CFAP70: variants seen among roughly 807,000 people sequenced by gnomAD.
CFAP70 encodes the protein cilia- and flagella-associated protein 70.
CFAP70 carries 81 observed loss-of-function variants against 137.6 expected under a neutral mutation model. That is an observed-to-expected ratio of 0.59 (90% CI 0.49 to 0.71). The LOEUF is 0.71. Ranked by LOEUF, CFAP70 falls within the 30% of genes least tolerant of loss-of-function variation. The probability of loss-of-function intolerance (pLI) is 0.00; values close to 1 mark genes in which losing one functional copy is unlikely to be tolerated. For missense variants in CFAP70, 976 were observed against 1,226.7 expected (o/e 0.80, Z 3.05); for synonymous variants, 382 against 423.6 (o/e 0.90, Z 1.20).
intron 19 of CFAP70, among the ~76,000 whole-genome samples, chr10:73,288,297 A>T (rs2047901169): frequency 1.3e-5 from 2 of 152,210 alleles, no homozygotes; most frequent in African/African-American, 4.8e-5. Context: ...TGAATAAATT[A>T]GGCAATTTTT....
chr10:73,258,153 A>G (rs1263608989), intron 25 of CFAP70, among the ~76,000 whole-genome samples: 2 of 152,256 alleles, frequency 1.3e-5, no homozygotes, highest in South Asian at 2.1e-4. Context: ...GGTTATGCCA[A>G]TTTACATCCA....
intron 5 of CFAP70, among the ~76,000 whole-genome samples, chr10:73,343,157 C>T (rs1319776388): frequency 6.6e-6 from 1 of 150,630 alleles, no homozygotes; most frequent in African/African-American, 2.5e-5. Flanking sequence ...GTGCAGTGTG[C>T]CGAGATCGCA....
intron 12 of CFAP70, among the ~76,000 whole-genome samples, chr10:73,304,421 G>A (rs954288094): frequency 2.0e-5 from 3 of 152,054 alleles, no homozygotes; most frequent in Non-Finnish European, 4.4e-5. Flanking sequence ...AAAAACTCAA[G>A]AACTCTCAGG....
At chr10:73,348,355 T>C (rs2053904425) in intron 4 of CFAP70, 68 bp downstream of exon 4, 2 of 1,549,538 alleles carry the variant, frequency 1.3e-6, no homozygotes, top group Non-Finnish European at 1.8e-6. Flanking sequence ...GGCTAATTTC[T>C]ATATCTCTCT....
intron 25 of CFAP70, among the ~76,000 whole-genome samples, chr10:73,261,239 A>T (rs2045148501): frequency 1.3e-5 from 2 of 151,560 alleles, no homozygotes; most frequent in Non-Finnish European, 2.9e-5. Context: ...TGATTCTCTC[A>T]TCTCAGCCTC....
intron 8 of CFAP70, 64 bp downstream of exon 9, chr10:73,331,113 A>G (rs1200914797): frequency 2.6e-6 from 3 of 1,139,908 alleles, no homozygotes; most frequent in Middle Eastern, 2.0e-4. Flanking sequence ...GAATTGAAGC[A>G]GAATAACAGG....
intron 26 of CFAP70, among the ~76,000 whole-genome samples, chr10:73,255,034 G>A (rs542119783): frequency 6.6e-6 from 1 of 152,308 alleles, no homozygotes; most frequent in South Asian, 2.1e-4. Context: ...AGGCTGAAGT[G>A]GGCGGATCAC....
At chr10:73,343,954 C>T (rs532588976) in intron 5 of CFAP70, among the ~76,000 whole-genome samples, 1 of 149,594 alleles carries the variant, frequency 6.7e-6, no homozygotes, top group East Asian at 2.0e-4. Context: ...TTTTTCTCTA[C>T]ATATGAAGAA....
intron 8 of CFAP70, 104 bp from the exon 10 acceptor site, chr10:73,323,201 A>T (rs12240326): frequency 0.083 from 91,464 of 1,099,952 alleles, 5,797 homozygotes; most frequent in East Asian, 0.29. Flanking sequence ...AAACTAACTC[A>T]ACTACTTAGC....
intron 19 of CFAP70, among the ~76,000 whole-genome samples, chr10:73,287,552 A>G (rs2047825548): frequency 6.6e-6 from 1 of 152,164 alleles, no homozygotes; most frequent in Admixed American, 6.5e-5. Flanking sequence ...TTGTAGAATA[A>G]ACTTATTTTA....
chr10:73,331,848 C>T (rs1387212444), intron 7 of CFAP70, among the ~76,000 whole-genome samples: 1 of 152,124 alleles, frequency 6.6e-6, no homozygotes, highest in East Asian at 1.9e-4. Flanking sequence ...TCATTGACTA[C>T]AAATTCTACT....
At chr10:73,263,219 C>T (rs2045438761) in intron 25 of CFAP70, among the ~76,000 whole-genome samples, 2 of 150,996 alleles carry the variant, frequency 1.3e-5, no homozygotes, top group Admixed American at 6.6e-5. Context: ...CCCACCTCAG[C>T]CTCCCAAGTA....
At chr10:73,316,732 A>G (rs558453809) in intron 9 of CFAP70, among the ~76,000 whole-genome samples, 1 of 151,870 alleles carries the variant, frequency 6.6e-6, no homozygotes, top group East Asian at 1.9e-4. Context: ...TCCTTCCTTT[A>G]TGCTATTATC....
chr10:73,326,276 C>A (rs941291647), intron 8 of CFAP70, among the ~76,000 whole-genome samples: 1 of 150,150 alleles, frequency 6.7e-6, no homozygotes, highest in African/African-American at 2.5e-5. Context: ...TAAAGATGTT[C>A]TTTGAAACCA....
upstream of CFAP70, among the ~76,000 whole-genome samples, chr10:73,361,776 CAAT>C (rs1364930861): frequency 1.3e-5 from 2 of 151,998 alleles, no homozygotes; most frequent in Non-Finnish European, 2.9e-5. Flanking sequence ...ATATTTCTGA[CAAT>C]AATACAATCA....
chr10:73,296,057 C>A (rs1423347803), intron 15 of CFAP70: 3 of 152,184 alleles, frequency 2.0e-5, no homozygotes, highest in Non-Finnish European at 4.4e-5. Context: ...GAAACTTAAA[C>A]TTAACTTAAA....
At chr10:73,321,974 G>A (rs1401504989) in intron 9 of CFAP70, among the ~76,000 whole-genome samples, 1 of 152,048 alleles carries the variant, frequency 6.6e-6, no homozygotes, top group African/African-American at 2.4e-5. Flanking sequence ...AGTAGAGACG[G>A]GTTTTTGCCA....
At chr10:73,292,296 C>G (rs1189024225) in intron 16 of CFAP70, among the ~76,000 whole-genome samples, 2 of 152,036 alleles carry the variant, frequency 1.3e-5, no homozygotes, top group Non-Finnish European at 2.9e-5. Flanking sequence ...ACCTTGGGAG[C>G]CTAAAGATTC....
intron 12 of CFAP70, among the ~76,000 whole-genome samples, chr10:73,302,536 T>G (rs916492876): frequency 2.0e-5 from 3 of 152,210 alleles, no homozygotes; most frequent in African/African-American, 7.2e-5. Flanking sequence ...TAGATAGCAT[T>G]ACCAAATTGC....
Sources: allele counts gnomAD v4.1 joint callset (sites outside exome capture counted in the v4.1 genomes callset), GRCh38; gene constraint gnomAD v4.1.1; transcripts MANE v1.5; gene names NCBI Gene and HGNC (gene_info 2026-07-23, HGNC 2026-07-21).